NRSN2: variants seen among roughly 807,000 people sequenced by gnomAD.
NRSN2 encodes the protein neurensin 2.
Under a neutral mutation model 11.1 loss-of-function variants are expected in NRSN2, and 10 were observed. The observed-to-expected ratio is 0.90, with a 90% confidence interval of 0.56 to 1.53. NRSN2 has a LOEUF of 1.53. NRSN2 is among the 40% of genes most tolerant of loss of function. The pLI is 0.00. For missense variants in NRSN2, 260 were observed against 273.7 expected, an observed-to-expected ratio of 0.95 and a Z score of 0.35; for synonymous variants, 100 against 117.0, an observed-to-expected ratio of 0.86 and a Z score of 0.94.
At chr20:352,007 C>T (rs1183899285) in intron 4 of NRSN2, among the ~76,000 whole-genome samples, 1 of 152,108 alleles carries the variant, frequency 6.6e-6, no homozygotes, top group African/African-American at 2.4e-5. Context: ...CTTTTAATTC[C>T]CAGAAGTCCT....
Position 353,744 on chromosome 20 carries a change from C to A in NRSN2, c.*109C>A. 1 of 1,185,166 alleles carries A rather than the reference C, an allele frequency of 8.4e-7. No individual in the cohort carries two copies. The highest frequency in any genetic ancestry group is 1.2e-6 in the Non-Finnish European group (1 of 855,766). The allele number at this position is 1,185,166 out of a possible 1,614,324, so 73.4% of individuals were successfully genotyped here. ...CCCTTTTAGCAGGGTCCCTTTAGAG[C>A]CCAACTCCAGGTCAAATCTGGAGCT... On this transcript the variant is annotated 3_prime_UTR_variant, in exon 5 of 5. Coordinates refer to ENST00000382285, the MANE Select transcript of NRSN2 (RefSeq NM_001323682.2).
At position 349,789 on chromosome 20, in the gene NRSN2, C is replaced by G; in HGVS notation, c.146C>G (p.Pro49Arg). 1.2e-6 allele frequency: 2 copies of G among 1,613,492 alleles called. No homozygotes were observed. Among genetic ancestry groups the G allele is most frequent in the Middle Eastern group, 1.7e-4 (1 of 6,018 alleles). Reference sequence around the variant, plus strand: ...CTCAGCGACGACCCTGAGGGACCTCCGGTCCTGTGCCCCCGCCGGCCCTGG... The same window carrying G: ...CTCAGCGACGACCCTGAGGGACCTCGGGTCCTGTGCCCCCGCCGGCCCTGG... Reference protein sequence around the residue: ...TALSDDPEGPPVLCPRRPWPS... With the variant: ...TALSDDPEGPRVLCPRRPWPS... The change falls in exon 4 of 5, where the codon CCG becomes CGG. Residue 49 changes from proline (P) to arginine (R), a missense_variant. By Grantham distance (103) the Pro-to-Arg change is moderately radical. Transcript: ENST00000382285.
intron 3 of NRSN2, 75 bp downstream of exon 3, chr20:349,438 C>T: frequency 1.9e-6 from 1 of 517,820 alleles, no homozygotes; most frequent in East Asian, 3.2e-5. Context: ...CTAAGGCCTT[C>T]AGTGCATTGG....
chr20:347,745 C>T lies in NRSN2; in HGVS notation c.-122+233C>T, dbSNP rs2013538080. ...GCCCGTGCCTGCCGCCCCTCGCCTC[C>T]TCCCTCCGCCGCAGTCTCCCCACGT... On this transcript the variant is annotated intron_variant, in intron 2 of 4. Transcript: ENST00000382285. The surrounding 1 kb of genome is among the most constrained non-coding windows in gnomAD (Gnocchi z 7.0). Among the ~76,000 whole-genome samples the T allele has an allele frequency of 6.6e-6, 1 of 152,200 alleles. No homozygotes were observed. Among genetic ancestry groups the T allele is most frequent in the African/African-American group, 2.4e-5 (1 of 41,452 alleles).
chr20:354,008 T>C lies in NRSN2; in HGVS notation c.*373T>C, dbSNP rs768141476. On this transcript the variant is annotated 3_prime_UTR_variant, in exon 5 of 5. Transcript: ENST00000382285. Reference sequence around the variant, plus strand: ...AGGGCTTTGGATCAGATTCCTCTTCTCGCCAGGATGAGGACACGCACTGCC... The same window carrying C: ...AGGGCTTTGGATCAGATTCCTCTTCCCGCCAGGATGAGGACACGCACTGCC... The C allele has an allele frequency of 4.6e-4, 121 of 264,808 alleles. No individual in the cohort carries two copies. Among genetic ancestry groups the C allele is most frequent in the Non-Finnish European group, 7.3e-4 (101 of 139,174 alleles). The allele number at this position is 264,808 out of a possible 1,614,324, so 16.4% of individuals were successfully genotyped here. A position where few individuals can be genotyped will look rare whatever the true frequency, so the allele number is the denominator to read the frequency against.
chr20:349,401 T>C lies in NRSN2; in HGVS notation c.-7+38T>C, dbSNP rs1011456405. On this transcript the variant is annotated intron_variant, in intron 3 of 4. Transcript: ENST00000382285. ...CTCCAGAGTAAACATGCACATTTAT[T>C]GACACCTCCAATTGCCAGGCACTGG... The C allele has an allele frequency of 6.7e-5, 28 of 415,034 alleles. 1 individual carries two copies. In the Admixed American group the frequency reaches 8.8e-4, roughly 13 times the overall value. 25.7% of individuals were successfully genotyped at this position (415,034 alleles called of 1,614,324 possible).
At chr20:351,438 C>T in intron 4 of NRSN2, among the ~76,000 whole-genome samples, 1 of 151,638 alleles carries the variant, frequency 6.6e-6, no homozygotes, top group African/African-American at 2.4e-5. Flanking sequence ...AGAGGCTGAG[C>T]CAGGAGGATC....
chr20:351,770 C>A (rs1000416098), intron 4 of NRSN2, among the ~76,000 whole-genome samples: 4 of 152,170 alleles, frequency 2.6e-5, no homozygotes, highest in African/African-American at 9.7e-5. Context: ...CCAACCTGAT[C>A]TTTGATTCAA....
chr20:353,614 C>G lies in NRSN2; in HGVS notation c.594C>G (p.Ile198Met). The G allele has an allele frequency of 3.1e-6, 5 of 1,614,162 alleles. No homozygotes were observed. The highest frequency in any genetic ancestry group is 4.2e-6 in the Non-Finnish European group (5 of 1,180,032). Residue 198 changes from isoleucine (I) to methionine (M), a missense_variant, in exon 5 of 5, where the codon ATC (isoleucine) becomes ATG (methionine). Transcript: ENST00000382285. ...SPFGQSSVQT[I>M]QPKRDS The stretch of plus-strand genomic sequence containing the variant: ...TTGGGCAATCTTCTGTGCAGACTAT[C>G]CAGCCCAAGAGGGACTCCTGAGCTG...
At chr20:349,861 TC>T in intron 4 of NRSN2, 29 bp downstream of exon 4, 1 of 1,590,812 alleles carries the variant, frequency 6.3e-7, no homozygotes, top group African/African-American at 1.3e-5. Context: ...CTCCCATGAT[TC>T]CTCTGCCTTG....
At position 353,860 on chromosome 20, in the gene NRSN2, C is replaced by A. The variant is rs1247522889; in HGVS notation, c.*225C>A. ...GTCCTCCCAAAACTTCCTACCCACA[C>A]CCTCTTCCCAAGGCCCTCAGGGGCA... On this transcript the variant is annotated 3_prime_UTR_variant, in exon 5 of 5. Transcript: ENST00000382285. 2 of 561,228 alleles carry A rather than the reference C, an allele frequency of 3.6e-6. No homozygotes were observed. Among genetic ancestry groups the A allele is most frequent in the Non-Finnish European group, 6.2e-6 (2 of 321,028 alleles). The allele number at this position is 561,228 out of a possible 1,614,324, so 34.8% of individuals were successfully genotyped here.
chr20:348,758 G>A (rs574104932), intron 2 of NRSN2, among the ~76,000 whole-genome samples: 1 of 151,396 alleles, frequency 6.6e-6, no homozygotes, highest in East Asian at 1.9e-4. Flanking sequence ...TAGAAGCCCA[G>A]TCCTCCCCCA....
intron 4 of NRSN2, among the ~76,000 whole-genome samples, chr20:350,191 T>G (rs1316145039): frequency 6.6e-6 from 1 of 151,884 alleles, no homozygotes; most frequent in Non-Finnish European, 1.5e-5. Flanking sequence ...AATACAAAAA[T>G]GGACCGGGTG....
At chr20:348,872 T>C (rs1450400661) in intron 2 of NRSN2, among the ~76,000 whole-genome samples, 1 of 151,976 alleles carries the variant, frequency 6.6e-6, no homozygotes, top group Non-Finnish European at 1.5e-5. Flanking sequence ...AAAAAGGTTA[T>C]TTGATAGGTT....
At position 354,179 on chromosome 20, in the gene NRSN2, C is replaced by G. The variant is rs1250101107; in HGVS notation, c.*544C>G. On this transcript the variant is annotated 3_prime_UTR_variant, in exon 5 of 5. Transcript: ENST00000382285. ...GCATTTTGGCATCAGAGCCCCCCAG[C>G]CCACCCACCACAGGCAATTACTAGC... 1 of 153,350 alleles carries G rather than the reference C, an allele frequency of 6.5e-6. No homozygotes were observed. The highest frequency in any genetic ancestry group is 1.5e-5 in the Non-Finnish European group (1 of 68,836). The allele number at this position is 153,350 out of a possible 1,614,324, so 9.5% of individuals were successfully genotyped here.
At position 353,538 on chromosome 20, in the gene NRSN2, T is replaced by C. The variant is rs1378238203; in HGVS notation, c.518T>C (p.Ile173Thr). Reference sequence around the variant, plus strand: ...GAGCCAGAGCAGCAGTTGTCACCCATTTTCCGCAATGCCAGTGGCCAGTCA... The same window carrying C: ...GAGCCAGAGCAGCAGTTGTCACCCACTTTCCGCAATGCCAGTGGCCAGTCA... ...GDEPEQQLSP[I>T]FRNASGQSWF... The change falls in exon 5 of 5, where the codon ATT (isoleucine) becomes ACT (threonine). Residue 173 changes from isoleucine to threonine, a missense_variant. Ile to Thr is a moderately conservative substitution (Grantham distance 89, BLOSUM62 -1). Coordinates refer to ENST00000382285, the MANE Select transcript of NRSN2 (RefSeq NM_001323682.2). 1.2e-6 allele frequency: 2 copies of C among 1,614,124 alleles called. No homozygotes were observed. Among genetic ancestry groups the C allele is most frequent in the South Asian group, 2.2e-5 (2 of 91,092 alleles).
At chr20:349,028 T>G (rs1385026800) in intron 2 of NRSN2, among the ~76,000 whole-genome samples, 1 of 151,984 alleles carries the variant, frequency 6.6e-6, no homozygotes, top group Non-Finnish European at 1.5e-5. Context: ...CCTTGCAGCT[T>G]GGGAACTCCA....
Position 349,728 on chromosome 20 carries a change from C to A in NRSN2, c.85C>A (p.Leu29Met), listed in dbSNP as rs374369788. 10 of 1,613,452 alleles carry A rather than the reference C, an allele frequency of 6.2e-6. No individual in the cohort carries two copies. The highest frequency in any genetic ancestry group is 1.7e-4 in the Middle Eastern group (1 of 6,034). The change falls in exon 4 of 5, where the codon CTG (leucine) becomes ATG (methionine). Residue 29 changes from leucine (L) to methionine (M), a missense_variant. Leu to Met is a conservative substitution (Grantham distance 15, BLOSUM62 2). Transcript: ENST00000382285. Reference protein sequence around the residue: ...DGKWYGVRSYLHLFYEDCAGT... With the variant: ...DGKWYGVRSYMHLFYEDCAGT... ...CAAGTGGTATGGGGTCCGCTCCTACCTGCACCTCTTCTATGAGGACTGTGC... is the reference window on the plus strand; with the variant it reads ...CAAGTGGTATGGGGTCCGCTCCTACATGCACCTCTTCTATGAGGACTGTGC...
At chr20:350,203 G>A (rs556617990) in intron 4 of NRSN2, among the ~76,000 whole-genome samples, 11 of 152,048 alleles carry the variant, frequency 7.2e-5, no homozygotes, top group African/African-American at 1.4e-4. Flanking sequence ...GACCGGGTGC[G>A]GTAGTTCACG....
Sources: gnomAD v4.1 joint callset for allele counts (sites outside exome capture counted in the v4.1 genomes callset) on GRCh38, gnomAD v4.1.1 for gene constraint, Gnocchi (gnomAD v3.1) non-coding constraint, MANE v1.5 for transcripts, NCBI Gene and HGNC (gene_info 2026-07-23, HGNC 2026-07-21) for gene names.